EFHC2: variants seen among roughly 807,000 people sequenced by gnomAD.
EFHC2 encodes EF-hand domain containing 2.
EFHC2 carries 18 observed loss-of-function variants against 52.7 expected under a neutral mutation model. That is an observed-to-expected ratio of 0.34 (90% CI 0.24 to 0.51). The LOEUF is 0.51. EFHC2 is among the 20% of genes least tolerant of loss of function. EFHC2 has a pLI of 0.97. For synonymous variants in EFHC2, 203 were observed against 204.1 expected (o/e 0.99, Z 0.04); for missense variants, 513 against 562.5 (o/e 0.91, Z 0.89).
chrX:44,244,771 G>A (rs990948049), intron 7 of EFHC2, among the ~76,000 whole-genome samples: 1 of 111,950 alleles, frequency 8.9e-6, no homozygotes, highest in African/African-American at 3.3e-5. Context: ...ATGAATACAG[G>A]TTTTGGGAGG....
At chrX:44,191,214 G>A (rs1312106720) in intron 11 of EFHC2, among the ~76,000 whole-genome samples, 5 of 110,921 alleles carry the variant, frequency 4.5e-5, no homozygotes, top group African/African-American at 1.6e-4. Flanking sequence ...CACCAAAATT[G>A]GGTAAATCAT....
rs772278406 is a variant in EFHC2 at position 44,215,930 on chromosome X, A to G, written c.1751+13719T>C. 5.4e-5 allele frequency among the ~76,000 whole-genome samples: 6 copies of G among 111,910 alleles called. No homozygotes were observed. The South Asian group carries it at 2.2e-3, about 42-fold the overall frequency. On this transcript the variant is annotated intron_variant, in intron 11 of 14. Coordinates refer to ENST00000420999, the MANE Select transcript of EFHC2 (RefSeq NM_025184.4). Reference sequence around the variant, plus strand: ...ACATACATATTTCTGCATTTTAATTATATGTATGACAAGGGAAGGTCTTTG... The same window carrying G: ...ACATACATATTTCTGCATTTTAATTGTATGTATGACAAGGGAAGGTCTTTG...
rs1310537294 is a variant in EFHC2, at chrX:44,148,748, C to G, written c.*47G>C. On this transcript the variant is annotated 3_prime_UTR_variant, in exon 15 of 15. Coordinates refer to ENST00000420999, the MANE Select transcript of EFHC2 (RefSeq NM_025184.4). Reference sequence around the variant, plus strand: ...ATTATATCTACTAAAGTAAATGTGGCAAAATGAGAGAAGTAAATCATAGAG... The same window carrying G: ...ATTATATCTACTAAAGTAAATGTGGGAAAATGAGAGAAGTAAATCATAGAG... 9.6e-7 allele frequency: 1 copy of G among 1,039,641 alleles called. No individual in the cohort carries two copies. Among genetic ancestry groups the G allele is most frequent in the East Asian group, 3.4e-5 (1 of 29,433 alleles). 85.7% of individuals were successfully genotyped at this position (1,039,641 alleles called of 1,213,427 possible). A position where few individuals can be genotyped will look rare whatever the true frequency, so the allele number is the denominator to read the frequency against.
At chrX:44,306,387 G>T (rs2037905519) in intron 2 of EFHC2, among the ~76,000 whole-genome samples, 1 of 111,293 alleles carries the variant, frequency 9.0e-6, no homozygotes, top group South Asian at 3.8e-4. Context: ...TACCTGCTGA[G>T]CCTGTTTTCA....
chrX:44,325,375 A>C (rs759805390), intron 1 of EFHC2, among the ~76,000 whole-genome samples: 1 of 110,913 alleles, frequency 9.0e-6, no homozygotes, highest in Admixed American at 9.7e-5. Context: ...AAAGTTAGGA[A>C]CATAACTATT....
chrX:44,234,711 G>A (rs1314925723), intron 9 of EFHC2, among the ~76,000 whole-genome samples: 1 of 111,952 alleles, frequency 8.9e-6, no homozygotes. Flanking sequence ...ACAAAGAACA[G>A]GATCCTACAG....
chrX:44,159,721 G>T (rs2036636539), intron 14 of EFHC2, among the ~76,000 whole-genome samples: 1 of 112,635 alleles, frequency 8.9e-6, no homozygotes, highest in Non-Finnish European at 1.9e-5. Flanking sequence ...ATCGCAATTA[G>T]AAGAACCTAG....
At chrX:44,207,432 G>T (rs2037056745) in intron 11 of EFHC2, among the ~76,000 whole-genome samples, 1 of 110,593 alleles carries the variant, frequency 9.0e-6, no homozygotes, top group African/African-American at 3.3e-5. Context: ...AACTGCTTGA[G>T]CCCGAGAGGC....
At chrX:44,259,479 T>C (rs960044838) in intron 4 of EFHC2, among the ~76,000 whole-genome samples, 2 of 111,787 alleles carry the variant, frequency 1.8e-5, no homozygotes, top group African/African-American at 3.3e-5. Context: ...AAAACCACCA[T>C]GGCAGGTGTA....
chrX:44,296,543 A>C (rs1231883463), intron 2 of EFHC2, among the ~76,000 whole-genome samples: 1 of 111,649 alleles, frequency 9.0e-6, no homozygotes, highest in Non-Finnish European at 1.9e-5. Context: ...ACTAAACATA[A>C]AAGGACCTGC....
intron 11 of EFHC2, among the ~76,000 whole-genome samples, chrX:44,192,061 A>AGTGTGT (rs3037410): frequency 0.011 from 1,004 of 95,337 alleles, 15 homozygotes; most frequent in African/African-American, 0.03. Flanking sequence ...CACATATGTA[A>AGTGTGT]GTGTGTGTGT....
At chrX:44,317,142 G>C (rs2037988433) in intron 1 of EFHC2, among the ~76,000 whole-genome samples, 1 of 112,021 alleles carries the variant, frequency 8.9e-6, no homozygotes, top group African/African-American at 3.2e-5. Context: ...AGCTTCCACA[G>C]CCCTTCGTAT....
At chrX:44,200,242 A>G (rs750267340) in intron 11 of EFHC2, among the ~76,000 whole-genome samples, 11 of 111,888 alleles carry the variant, frequency 9.8e-5, no homozygotes, top group African/African-American at 3.6e-4. Flanking sequence ...AACCCAAGCA[A>G]CAAAGGAACA....
At chrX:44,209,346 A>C (rs1279645126) in intron 11 of EFHC2, among the ~76,000 whole-genome samples, 2 of 110,721 alleles carry the variant, frequency 1.8e-5, no homozygotes, top group South Asian at 7.5e-4. Context: ...AAGCAAAAAG[A>C]AATCAAAGGA....
intron 11 of EFHC2, among the ~76,000 whole-genome samples, chrX:44,213,166 G>C (rs2037114385): frequency 9.0e-6 from 1 of 110,733 alleles, no homozygotes; most frequent in South Asian, 3.8e-4. Flanking sequence ...ATCAGACCAG[G>C]AATTTAAAAC....
At chrX:44,219,146 A>T (rs1391780082) in intron 11 of EFHC2, among the ~76,000 whole-genome samples, 1 of 34,645 alleles carries the variant, frequency 2.9e-5, no homozygotes, top group Non-Finnish European at 5.2e-5. Context: ...ACCTATAGTT[A>T]AAAAAAAAAA....
At chrX:44,175,597 C>T (rs1462491083) in intron 13 of EFHC2, among the ~76,000 whole-genome samples, 1 of 111,809 alleles carries the variant, frequency 8.9e-6, no homozygotes, top group Admixed American at 9.5e-5. Flanking sequence ...ATAACAGTTT[C>T]GACCTCACCA....
intron 11 of EFHC2, among the ~76,000 whole-genome samples, chrX:44,209,718 C>T (rs1287375109): frequency 9.2e-6 from 1 of 109,017 alleles, no homozygotes; most frequent in African/African-American, 3.3e-5. Context: ...GGCTGCACAG[C>T]AGGAGATGAG....
At chrX:44,340,307 T>C (rs1257440949) in intron 1 of EFHC2, among the ~76,000 whole-genome samples, 2 of 111,202 alleles carry the variant, frequency 1.8e-5, no homozygotes, top group African/African-American at 6.6e-5. Flanking sequence ...CAGTAAACAT[T>C]AGACAAGAGA....
Sources: allele counts gnomAD v4.1 joint callset (sites outside exome capture counted in the v4.1 genomes callset), GRCh38; gene constraint gnomAD v4.1.1; transcripts MANE v1.5; gene names NCBI Gene and HGNC (gene_info 2026-07-23, HGNC 2026-07-21).